C9orf85: variants seen among roughly 807,000 people sequenced by gnomAD.
C9orf85 encodes chromosome 9 open reading frame 85, also known as uncharacterized protein C9orf85.
C9orf85 carries 16 observed loss-of-function variants against 14.9 expected under a neutral mutation model. The observed-to-expected ratio is 1.08, with a 90% CI of 0.73 to 1.63. The LOEUF (loss-of-function observed/expected upper bound fraction) is 1.63, where lower values mean the gene tolerates loss of function less well. Ranked by LOEUF, C9orf85 falls within the 40% of genes most tolerant of loss-of-function variation. The pLI, the probability that C9orf85 is intolerant of heterozygous loss-of-function variation, is 0.00. For synonymous variants in C9orf85, 45 were observed against 56.8 expected (o/e 0.79, Z 0.93); for missense variants, 172 against 186.1 (o/e 0.92, Z 0.44).
intron 3 of C9orf85, among the ~76,000 whole-genome samples, chr9:71,972,441 TAG>T (rs759015061): frequency 6.6e-6 from 1 of 152,200 alleles, no homozygotes; most frequent in Non-Finnish European, 1.5e-5. Flanking sequence ...GTATTTTTAG[TAG>T]AGACGGGGTT....
chr9:71,912,394 G>C (rs886303444), intron 1 of C9orf85, among the ~76,000 whole-genome samples: 5 of 152,248 alleles, frequency 3.3e-5, no homozygotes, highest in East Asian at 3.9e-4. Context: ...CTTCTGTAAA[G>C]TCCTGCTAAA....
intron 3 of C9orf85, among the ~76,000 whole-genome samples, chr9:71,979,514 C>T (rs1011361466): frequency 2.0e-5 from 3 of 151,982 alleles, no homozygotes; most frequent in Admixed American, 6.6e-5. Context: ...AACCTGGAGA[C>T]GGAATTCCTA....
chr9:71,978,885 A>G (rs1823049807), intron 3 of C9orf85, among the ~76,000 whole-genome samples: 2 of 152,184 alleles, frequency 1.3e-5, no homozygotes. Flanking sequence ...AATACAAAAA[A>G]TTAGCCGGGC....
chr9:71,968,252 C>T (rs1312779750), intron 2 of C9orf85, among the ~76,000 whole-genome samples: 1 of 151,658 alleles, frequency 6.6e-6, no homozygotes, highest in Non-Finnish European at 1.5e-5. Context: ...ACTCATCTGT[C>T]ATTTTCTTGT....
intron 1 of C9orf85, among the ~76,000 whole-genome samples, chr9:71,916,157 G>C (rs1291087204): frequency 6.6e-6 from 1 of 152,140 alleles, no homozygotes; most frequent in Non-Finnish European, 1.5e-5. Context: ...AGCCCTGAGA[G>C]TATCTATAAT....
At chr9:71,969,970 G>A (rs1481392158) in intron 2 of C9orf85, among the ~76,000 whole-genome samples, 1 of 145,618 alleles carries the variant, frequency 6.9e-6, no homozygotes, top group South Asian at 2.2e-4. Flanking sequence ...TTCATACAAA[G>A]TTTCACTCTT....
At chr9:71,967,648 A>G (rs1410796325) in intron 2 of C9orf85, among the ~76,000 whole-genome samples, 1 of 150,046 alleles carries the variant, frequency 6.7e-6, no homozygotes, top group Non-Finnish European at 1.5e-5. Context: ...TGTTTTCTAT[A>G]TAGACAGTGA....
At chr9:71,940,766 G>A (rs1056344047) in intron 1 of C9orf85, among the ~76,000 whole-genome samples, 10 of 151,964 alleles carry the variant, frequency 6.6e-5, no homozygotes, top group East Asian at 3.9e-4. Flanking sequence ...ACAAAAACTC[G>A]TATGCAAATA....
In C9orf85 at chr9:71,913,414, G is replaced by A. The variant is rs1250724020; in HGVS notation, c.102+1578G>A. 9.2e-5 allele frequency among the ~76,000 whole-genome samples: 14 copies of A among 152,284 alleles called. No individual in the cohort carries two copies. The East Asian group carries it at 2.7e-3, about 29-fold the overall frequency. On this transcript the variant is annotated intron_variant, in intron 1 of 3. Coordinates refer to ENST00000334731, the MANE Select transcript of C9orf85 (RefSeq NM_182505.5). Reference sequence around the variant, plus strand: ...GATATGGGCAAAAAGAAAGCAGAAAGATAAGTAAATACAAATTATGATAAA... The same window carrying A: ...GATATGGGCAAAAAGAAAGCAGAAAAATAAGTAAATACAAATTATGATAAA...
At chr9:71,985,296 C>A (rs7046123), downstream of C9orf85, 45,983 of 152,082 alleles carry the variant, frequency 0.3, 7,352 homozygotes, top group South Asian at 0.5. Context: ...GTTCTAGTTA[C>A]AACTTTGTCA....
intron 1 of C9orf85, among the ~76,000 whole-genome samples, chr9:71,943,958 G>A (rs1392650517): frequency 2.0e-5 from 3 of 151,768 alleles, no homozygotes; most frequent in African/African-American, 7.3e-5. Flanking sequence ...TGTATAGGCC[G>A]GGTGCGGTGG....
downstream of C9orf85, among the ~76,000 whole-genome samples, chr9:71,976,580 T>A (rs1157835683): frequency 6.6e-6 from 1 of 150,844 alleles, no homozygotes; most frequent in Non-Finnish European, 1.5e-5. Flanking sequence ...GAGAATGGCA[T>A]GAACCCGGGA....
chr9:71,940,881 A>C (rs1318216013), intron 1 of C9orf85, among the ~76,000 whole-genome samples: 1 of 152,236 alleles, frequency 6.6e-6, no homozygotes, highest in Non-Finnish European at 1.5e-5. Context: ...ACCAATAAAA[A>C]GGAATGAGCT....
At chr9:71,936,711 C>T (rs1309417225) in intron 1 of C9orf85, among the ~76,000 whole-genome samples, 1 of 151,406 alleles carries the variant, frequency 6.6e-6, no homozygotes, top group East Asian at 1.9e-4. Context: ...TCATAACACG[C>T]CTTGCTGAAT....
At chr9:71,973,769 A>G (rs534270278), downstream of C9orf85, among the ~76,000 whole-genome samples, 1 of 151,214 alleles carries the variant, frequency 6.6e-6, no homozygotes, top group African/African-American at 2.4e-5. Flanking sequence ...AGTTGGCACT[A>G]TTCTGAATTT....
At chr9:71,953,366 G>A (rs1822297126) in intron 2 of C9orf85, among the ~76,000 whole-genome samples, 1 of 152,130 alleles carries the variant, frequency 6.6e-6, no homozygotes, top group Admixed American at 6.5e-5. Context: ...CCTAAATGAG[G>A]AGAAGGGAGC....
rs1397187037 is a variant in C9orf85 at position 71,911,849 on chromosome 9, C to T, written c.102+13C>T. The T allele has an allele frequency of 6.2e-7, 1 of 1,609,104 alleles. No homozygotes were observed. The highest frequency in any genetic ancestry group is 8.5e-7 in the Non-Finnish European group (1 of 1,175,512). On this transcript the variant is annotated intron_variant, in intron 1 of 3. Transcript: ENST00000334731. Reference sequence around the variant, plus strand: ...TGTGCAGACCAAGGTAGGAACCTGCCTGTTGCACCGTCTTTGACTCCAGGA... The same window carrying T: ...TGTGCAGACCAAGGTAGGAACCTGCTTGTTGCACCGTCTTTGACTCCAGGA...
At chr9:71,920,406 A>T in intron 1 of C9orf85, among the ~76,000 whole-genome samples, 1 of 152,228 alleles carries the variant, frequency 6.6e-6, no homozygotes, top group South Asian at 2.1e-4. Context: ...TTAGAAACAG[A>T]CTATTCTGCA....
At chr9:71,962,081 G>A (rs1431061075) in intron 2 of C9orf85, among the ~76,000 whole-genome samples, 1 of 152,142 alleles carries the variant, frequency 6.6e-6, no homozygotes, top group Non-Finnish European at 1.5e-5. Context: ...TGCAAGGATT[G>A]TTTAAGCCTG....
Sources: allele counts gnomAD v4.1 joint callset (sites outside exome capture counted in the v4.1 genomes callset), GRCh38; gene constraint gnomAD v4.1.1; transcripts MANE v1.5; gene names NCBI Gene and HGNC (gene_info 2026-07-23, HGNC 2026-07-21).